The following DNAH7 variants were observed in gnomAD, a reference collection of about 807,000 sequenced individuals.
The protein encoded by DNAH7 is dynein axonemal heavy chain 7.
DNAH7 carries 397 observed loss-of-function variants against 444.6 expected under a neutral mutation model. The observed-to-expected ratio is 0.89, with a 90% CI of 0.82 to 0.97. The LOEUF is 0.97. DNAH7 is among the 50% of genes least tolerant of loss of function. The probability of loss-of-function intolerance (pLI) is 0.00; values close to 1 mark genes in which losing one functional copy is unlikely to be tolerated. For synonymous variants in DNAH7, 1,636 were observed against 1,624.4 expected (o/e 1.01, Z -0.17); for missense variants, 4,902 against 4,800.8 (o/e 1.02, Z -0.62).
intron 5 of DNAH7, among the ~76,000 whole-genome samples, chr2:196,045,482 T>A (rs1014065270): frequency 1.3e-5 from 2 of 151,878 alleles, no homozygotes; most frequent in Non-Finnish European, 1.5e-5. Context: ...AAAGCAACTT[T>A]CTAAAAATTT....
intron 19 of DNAH7, among the ~76,000 whole-genome samples, chr2:195,950,387 T>C (rs1012980240): frequency 2.0e-5 from 3 of 152,228 alleles, no homozygotes; most frequent in Admixed American, 2.0e-4. Flanking sequence ...TTGTAGTTTA[T>C]TTATGCAGAG....
intron 15 of DNAH7, among the ~76,000 whole-genome samples, chr2:195,980,338 C>T (rs527375250): frequency 5.3e-5 from 8 of 152,254 alleles, no homozygotes; most frequent in African/African-American, 7.2e-5. Flanking sequence ...GACATGTTTG[C>T]TTTCCCTTCT....
chr2:195,948,930 G>T (rs1300774392), intron 19 of DNAH7, among the ~76,000 whole-genome samples: 2 of 152,138 alleles, frequency 1.3e-5, no homozygotes, highest in Non-Finnish European at 2.9e-5. Context: ...CATGAGCATG[G>T]AATCTTTTTC....
Position 196,051,202 on chromosome 2 carries a change from T to C in DNAH7, c.126A>G (p.Leu42=), listed in dbSNP as rs1420112437. ...KEKFKAPARA[L]PQLSMVSTKP... is the part of the protein sequence containing the mutation. ...GATAAGTTACCATAGACAGCTGTGG[T>C]AAAGCTCTTGCTGGTGCCTTGAACT... The change falls in exon 3 of 65, where the codon TTA becomes TTG. Residue 42 remains leucine (L), a synonymous_variant. Coordinates refer to ENST00000312428, the MANE Select transcript of DNAH7 (RefSeq NM_018897.3). The C allele has an allele frequency of 2.5e-6, 4 of 1,613,762 alleles. No homozygotes were observed. In the East Asian group the frequency reaches 8.9e-5, roughly 36 times the overall value.
At position 195,999,005 on chromosome 2, in the gene DNAH7, C is replaced by CT. The variant is rs1031719231; in HGVS notation, c.1353+1698dup. The CT allele has an allele frequency of 1.8e-5, 12 of 670,576 alleles. No individual in the cohort carries two copies. The African/African-American group carries it at 2.2e-4, about 12-fold the overall frequency. 41.5% of individuals were successfully genotyped at this position (670,576 alleles called of 1,614,324 possible). On this transcript the variant is annotated intron_variant, in intron 12 of 64. Transcript: ENST00000312428. The stretch of plus-strand genomic sequence containing the variant: ...CCCTGCTGATCCTTGGTGGTCTAAG[C>CT]TTTGCTTTAATGAGTTTCCGGCAAG...
chr2:195,758,391 CAT>C (rs1212279973), intron 61 of DNAH7, among the ~76,000 whole-genome samples: 8 of 152,142 alleles, frequency 5.3e-5, no homozygotes, highest in African/African-American at 1.4e-4. Context: ...TGTTTGGTAA[CAT>C]ATGTTTTCCC....
At chr2:195,981,840 A>G (rs1023544355) in intron 15 of DNAH7, among the ~76,000 whole-genome samples, 41 of 152,244 alleles carry the variant, frequency 2.7e-4, no homozygotes, top group Non-Finnish European at 1.2e-4. Context: ...CTTAAATCTA[A>G]GACCTCAAAC....
chr2:195,988,890 T>C (rs1486186901), intron 12 of DNAH7, among the ~76,000 whole-genome samples: 1 of 152,174 alleles, frequency 6.6e-6, no homozygotes, highest in African/African-American at 2.4e-5. Flanking sequence ...TCTTTATTTC[T>C]ATGAGATCAA....
At chr2:195,753,645 A>G (rs1485910711) in intron 63 of DNAH7, among the ~76,000 whole-genome samples, 1 of 152,208 alleles carries the variant, frequency 6.6e-6, no homozygotes, top group East Asian at 1.9e-4. Flanking sequence ...TTATATAAAG[A>G]CAATTTTGAT....
In DNAH7 at chr2:195,895,213, C is replaced by T. The variant is rs777461243; in HGVS notation, c.4659G>A (p.Ser1553=). ...GTAATTTTACCCCAGGAAACAAATC[C>T]GAAGTAATTCCCTGATGATAGATGA... ...HDLPLFEGIT[S]DLFPGVKLPK... Residue 1553 remains serine (S), a synonymous_variant, in exon 30 of 65, where the codon TCG becomes TCA. Transcript: ENST00000312428. The T allele has an allele frequency of 1.2e-5, 19 of 1,603,106 alleles. No individual in the cohort carries two copies. The highest frequency in any genetic ancestry group is 1.7e-4 in the Middle Eastern group (1 of 6,028).
At chr2:195,975,171 T>C (rs1692099928) in intron 15 of DNAH7, among the ~76,000 whole-genome samples, 1 of 152,146 alleles carries the variant, frequency 6.6e-6, no homozygotes, top group African/African-American at 2.4e-5. Flanking sequence ...GTACCTGGTA[T>C]TAACTTCATA....
chr2:195,738,057 G>A lies in DNAH7; in HGVS notation c.11939C>T (p.Thr3980Ile). 1 of 1,614,004 alleles carries A rather than the reference G, an allele frequency of 6.2e-7. No individual in the cohort carries two copies. The highest frequency in any genetic ancestry group is 8.5e-7 in the Non-Finnish European group (1 of 1,179,898). ...RPSYVAPLYK[T>I]SERRGVLSTT... ...GGATAATACTCCTCTCCGCTCACTT[G>A]TCTTATACAATGGAGCAACATAACT... Residue 3980 changes from threonine (T) to isoleucine (I), a missense_variant, in exon 65 of 65, where the codon ACA becomes ATA. Transcript: ENST00000312428.
At chr2:196,031,510 C>G (rs1427658101) in intron 5 of DNAH7, among the ~76,000 whole-genome samples, 1 of 152,128 alleles carries the variant, frequency 6.6e-6, no homozygotes, top group African/African-American at 2.4e-5. Flanking sequence ...TTTTTCCTAT[C>G]GTATCGTCAG....
intron 5 of DNAH7, among the ~76,000 whole-genome samples, chr2:196,031,480 C>A (rs1485336629): frequency 6.6e-6 from 1 of 152,212 alleles, no homozygotes. Context: ...GCTTTAATTT[C>A]TCCTCTGAAA....
rs1472905261 is a variant in DNAH7 at position 195,747,629 on chromosome 2, T to C, written c.11764+6708A>G. Among the ~76,000 whole-genome samples, 6 of 152,184 alleles carry C rather than the reference T, an allele frequency of 3.9e-5. No individual in the cohort carries two copies. In the East Asian group the frequency reaches 9.6e-4, roughly 24 times the overall value. On this transcript the variant is annotated intron_variant, in intron 63 of 64. Coordinates refer to ENST00000312428, the MANE Select transcript of DNAH7 (RefSeq NM_018897.3). The stretch of plus-strand genomic sequence containing the variant: ...AAATCCAGCAGCACATCAAAAAGCT[T>C]ATCCACCATGATCAAGTGGGCTTCA...
At chr2:196,057,093 T>A (rs988139400) in intron 2 of DNAH7, among the ~76,000 whole-genome samples, 1 of 152,188 alleles carries the variant, frequency 6.6e-6, no homozygotes, top group Non-Finnish European at 1.5e-5. Flanking sequence ...GAAGAACTTA[T>A]AGCCAGGAAC....
At chr2:195,754,238 T>C in intron 63 of DNAH7, 99 bp downstream of exon 63, 1 of 1,264,284 alleles carries the variant, frequency 7.9e-7, no homozygotes, top group Non-Finnish European at 1.1e-6. Flanking sequence ...ATTACATTCA[T>C]GTTTATTACT....
At chr2:195,775,445 GAAAAT>G in intron 60 of DNAH7, among the ~76,000 whole-genome samples, 1 of 152,232 alleles carries the variant, frequency 6.6e-6, no homozygotes, top group East Asian at 1.9e-4. Flanking sequence ...TAGGGGACTG[GAAAAT>G]AAAATAGGTA....
chr2:195,949,242 C>T (rs1386126122), intron 19 of DNAH7, among the ~76,000 whole-genome samples: 1 of 152,076 alleles, frequency 6.6e-6, no homozygotes, highest in African/African-American at 2.4e-5. Context: ...CAAACAGAGA[C>T]AATCTGACTT....
Sources: gnomAD v4.1 joint callset for allele counts (sites outside exome capture counted in the v4.1 genomes callset) on GRCh38, gnomAD v4.1.1 for gene constraint, MANE v1.5 for transcripts, NCBI Gene and HGNC (gene_info 2026-07-23, HGNC 2026-07-21) for gene names.